GPM6B: variants seen among roughly 807,000 people sequenced by gnomAD.
GPM6B encodes glycoprotein M6B, also known as neuronal membrane glycoprotein M6-b.
Under a neutral mutation model 27.2 loss-of-function variants are expected in GPM6B, and 4 were observed. The observed-to-expected ratio is 0.15, with a 90% confidence interval of 0.07 to 0.34. The LOEUF is 0.34. GPM6B is among the 10% of genes least tolerant of loss of function. GPM6B has a pLI of 1.00. For synonymous variants in GPM6B, 124 were observed against 103.1 expected (o/e 1.20, Z -1.23); for missense variants, 183 against 261.9 (o/e 0.70, Z 2.08).
chrX:13,858,953 G>T (rs998270430), intron 1 of GPM6B, among the ~76,000 whole-genome samples: 3 of 112,363 alleles, frequency 2.7e-5, no homozygotes, highest in Admixed American at 9.5e-5. Context: ...AATAGCACCT[G>T]CATTAAGTTT....
At chrX:13,847,273 T>A (rs2049661015) in intron 1 of GPM6B, among the ~76,000 whole-genome samples, 1 of 111,771 alleles carries the variant, frequency 8.9e-6, no homozygotes, top group East Asian at 2.8e-4. Context: ...GGCAATTTTT[T>A]AAAAAATCCA....
chrX:13,837,920 A>G (rs2049524503), intron 1 of GPM6B, among the ~76,000 whole-genome samples: 1 of 110,764 alleles, frequency 9.0e-6, no homozygotes, highest in Non-Finnish European at 1.9e-5. Context: ...ATTAAATTGC[A>G]ATTAAATTCT....
intron 1 of GPM6B, among the ~76,000 whole-genome samples, chrX:13,866,974 T>C (rs1163226960): frequency 1.8e-5 from 2 of 112,088 alleles, no homozygotes; most frequent in South Asian, 7.4e-4. Context: ...AAGAGACAAT[T>C]GAAGAATATT....
chrX:13,881,712 G>A (rs1258980769), intron 1 of GPM6B, among the ~76,000 whole-genome samples: 4 of 42,037 alleles, frequency 9.5e-5, no homozygotes, highest in Non-Finnish European at 1.7e-4. Flanking sequence ...CACATGAAGA[G>A]GAATCTGCCA....
upstream of GPM6B, chrX:13,817,095 C>CCTA: frequency 1.0e-6 from 1 of 992,947 alleles, no homozygotes; most frequent in Middle Eastern, 4.2e-4. Flanking sequence ...TTTCGCTCTG[C>CCTA]CTACTGGTCC....
chrX:13,845,147 G>T (rs2049630635), intron 1 of GPM6B, among the ~76,000 whole-genome samples: 1 of 110,018 alleles, frequency 9.1e-6, no homozygotes, highest in Admixed American at 9.7e-5. Context: ...ACGTCACCAT[G>T]CCCTGCTAAT....
chrX:13,794,463 G>A (rs1439583051), intron 2 of GPM6B, among the ~76,000 whole-genome samples: 1 of 111,914 alleles, frequency 8.9e-6, no homozygotes, highest in Non-Finnish European at 1.9e-5. Flanking sequence ...TGAGCCAGGA[G>A]TGGGCCCTCA....
intron 2 of GPM6B, among the ~76,000 whole-genome samples, chrX:13,806,008 C>G (rs111909598): frequency 9.0e-6 from 1 of 110,860 alleles, no homozygotes; most frequent in Non-Finnish European, 1.9e-5. Flanking sequence ...TTTTCAAAAG[C>G]AGCTTTACTG....
chrX:13,878,012 A>G (rs1279566461), intron 1 of GPM6B, among the ~76,000 whole-genome samples: 2 of 109,893 alleles, frequency 1.8e-5, no homozygotes, highest in African/African-American at 6.6e-5. Flanking sequence ...AATATCATCC[A>G]AGATCTGCCT....
At chrX:13,836,200 C>T (rs17264406) in intron 1 of GPM6B, among the ~76,000 whole-genome samples, 5,119 of 111,565 alleles carry the variant, frequency 0.046, 138 homozygotes, top group East Asian at 0.15. Flanking sequence ...TGCTCCTTCA[C>T]GATGATATCC....
chrX:13,878,927 G>A (rs2050067155), intron 1 of GPM6B, among the ~76,000 whole-genome samples: 1 of 112,025 alleles, frequency 8.9e-6, no homozygotes, highest in African/African-American at 3.3e-5. Context: ...AAGGTGGAAA[G>A]GGCAAGGAAA....
intron 1 of GPM6B, among the ~76,000 whole-genome samples, chrX:13,810,175 C>G (rs1316841869): frequency 9.0e-6 from 1 of 111,003 alleles, no homozygotes; most frequent in African/African-American, 3.3e-5. Flanking sequence ...CTTTACTGTT[C>G]AGGAGATTCT....
chrX:13,845,115 G>A lies in GPM6B; in HGVS notation c.-197-59307C>T, dbSNP rs375056226. Among the ~76,000 whole-genome samples, 41 of 108,074 alleles carry A rather than the reference G, an allele frequency of 3.8e-4. No individual in the cohort carries two copies. The East Asian group carries it at 0.012, about 32-fold the overall frequency. 93.8% of individuals were successfully genotyped at this position (108,074 alleles called of 115,157 possible). ...AGCGATTCCCATGCCTCAGCCTCCC[G>A]AGTAGCTGGGACTACAGGCATACGT... On this transcript the variant is annotated intron_variant, in intron 1 of 6. Coordinates refer to the GPM6B transcript ENST00000398361.
intron 1 of GPM6B, among the ~76,000 whole-genome samples, chrX:13,847,098 C>A (rs1397179126): frequency 7.2e-5 from 8 of 111,032 alleles, no homozygotes; most frequent in Non-Finnish European, 1.3e-4. Flanking sequence ...ATTATAAATT[C>A]AAAATCCAAA....
At chrX:13,801,084 T>C (rs1448392737) in intron 2 of GPM6B, among the ~76,000 whole-genome samples, 4 of 108,870 alleles carry the variant, frequency 3.7e-5, no homozygotes. Flanking sequence ...CTACATTTAG[T>C]AAACCACAAA....
At chrX:13,877,617 T>A (rs137951631) in intron 1 of GPM6B, among the ~76,000 whole-genome samples, 2,485 of 106,399 alleles carry the variant, frequency 0.023, 90 homozygotes, top group East Asian at 0.22. Context: ...AGCCCAGGAG[T>A]TCAAGACCAG....
At chrX:13,856,692 A>AT (rs113873908) in intron 1 of GPM6B, among the ~76,000 whole-genome samples, 1,339 of 93,202 alleles carry the variant, frequency 0.014, 28 homozygotes, top group African/African-American at 0.044. Flanking sequence ...CTGCACCTTT[A>AT]TTTTTTTTTT....
At chrX:13,854,700 G>A (rs748045751) in intron 1 of GPM6B, among the ~76,000 whole-genome samples, 96 of 111,526 alleles carry the variant, frequency 8.6e-4, no homozygotes, top group Non-Finnish European at 1.5e-3. Flanking sequence ...TTGAGATGAG[G>A]GATATGCTAA....
At chrX:13,899,472 A>T (rs931211088) in intron 1 of GPM6B, among the ~76,000 whole-genome samples, 2 of 109,035 alleles carry the variant, frequency 1.8e-5, no homozygotes, top group African/African-American at 6.7e-5. Flanking sequence ...ATGCTTAAAA[A>T]GTCTCCCAGG....
Sources: allele counts gnomAD v4.1 joint callset (sites outside exome capture counted in the v4.1 genomes callset), GRCh38; gene constraint gnomAD v4.1.1; transcripts MANE v1.5; gene names NCBI Gene and HGNC (gene_info 2026-07-23, HGNC 2026-07-21).